Variants in DNAH10 observed in about 807,000 individuals in gnomAD.
DNAH10 encodes the protein dynein axonemal heavy chain 10.
DNAH10 carries 348 observed loss-of-function variants against 506.6 expected under a neutral mutation model. The ratio of observed to expected loss-of-function variants is 0.69; its 90% CI spans 0.63 to 0.75. The LOEUF is 0.75. Ranked by LOEUF, DNAH10 falls within the 30% of genes least tolerant of loss-of-function variation. The pLI is 0.00. For missense variants in DNAH10, 5,179 were observed against 5,787.1 expected (o/e 0.89, Z 3.41); for synonymous variants, 2,059 against 2,198.6 (o/e 0.94, Z 1.78).
chr12:123,768,673 A>G (rs529313800), intron 2 of DNAH10, among the ~76,000 whole-genome samples: 24 of 152,336 alleles, frequency 1.6e-4, no homozygotes, highest in Admixed American at 1.6e-3. Flanking sequence ...TTTGTTTTGT[A>G]GGTGGGCTTC....
At chr12:123,905,875 A>G (rs1251401128) in intron 57 of DNAH10, among the ~76,000 whole-genome samples, 1 of 150,812 alleles carries the variant, frequency 6.6e-6, no homozygotes, top group African/African-American at 2.4e-5. Flanking sequence ...TGTTTTTGCC[A>G]TCTATGTTTA....
At position 123,873,645 on chromosome 12, in the gene DNAH10, G is replaced by C; in HGVS notation, c.7873G>C (p.Asp2625His). The change falls in exon 46 of 79, where the codon GAT becomes CAT. Residue 2625 changes from aspartate (D) to histidine (H), a missense_variant. Transcript: ENST00000673944. ...AGCAAATGTGGAAAAGCGAACCAAA[G>C]ATACTTACGGCCCACCCATGGGAAA... ...LEANVEKRTK[D>H]TYGPPMGKRL... 1 of 1,613,828 alleles carries C rather than the reference G, an allele frequency of 6.2e-7. No individual in the cohort carries two copies.
Position 123,877,862 on chromosome 12 carries a change from G to A in DNAH10, c.8326G>A (p.Asp2776Asn). 1 of 1,613,966 alleles carries A rather than the reference G, an allele frequency of 6.2e-7. No homozygotes were observed. Residue 2776 changes from aspartate (D) to asparagine (N), a missense_variant, in exon 48 of 79, where the codon GAT becomes AAT. Around this residue, in one of 3 missense-constraint regions of DNAH10, gnomAD observed 4,844 missense variants for 5,430.5 expected, o/e 0.89. Transcript: ENST00000673944. Reference sequence around the variant, plus strand: ...GTTCCATTACATCTTCAACCTTCGAGATCTCTCACGGGTTTTTAATGGTCT... The same window carrying A: ...GTTCCATTACATCTTCAACCTTCGAAATCTCTCACGGGTTTTTAATGGTCT... ...SKFHYIFNLR[D>N]LSRVFNGLVL...
chr12:123,824,639 T>C (rs2706267), intron 24 of DNAH10, among the ~76,000 whole-genome samples: 151,150 of 152,292 alleles, frequency 0.99, 75,015 homozygotes, highest in Middle Eastern at 1. Context: ...ACGATCACTC[T>C]GGAGGCTGCA....
At chr12:123,908,170 CCTGTCTCTCTGTCTCCTCCCTGT>C (rs1953888150) in intron 57 of DNAH10, 1 of 365,294 alleles carries the variant, frequency 2.7e-6, no homozygotes, top group Middle Eastern at 6.1e-4. Context: ...CTGTCTCCTC[CCTGTCTCTCTGTCTCCTCCCTGT>C]CTCTCTGTCC....
chr12:123,835,631 T>G, intron 28 of DNAH10, 103 bp downstream of exon 28: 2 of 1,455,320 alleles, frequency 1.4e-6, no homozygotes, highest in Non-Finnish European at 1.8e-6. Context: ...GTAGCTTCTC[T>G]CTCATTTTTT....
chr12:123,810,355 C>A (rs1379387190), intron 19 of DNAH10, among the ~76,000 whole-genome samples: 1 of 152,122 alleles, frequency 6.6e-6, no homozygotes, highest in East Asian at 1.9e-4. Context: ...GTTTAGAAAT[C>A]AGAATAGGGA....
intron 9 of DNAH10, 148 bp downstream of exon 9, chr12:123,786,084 G>A: frequency 1.0e-6 from 1 of 982,148 alleles, no homozygotes; most frequent in African/African-American, 1.6e-5. Context: ...GGGCACAGTG[G>A]TGCACACCTG....
At chr12:123,797,190 C>A (rs1345187131) in intron 13 of DNAH10, among the ~76,000 whole-genome samples, 1 of 151,978 alleles carries the variant, frequency 6.6e-6, no homozygotes, top group Non-Finnish European at 1.5e-5. Context: ...ATGTTTTAAT[C>A]CTAGACTGGC....
chr12:123,771,172 G>C (rs986413845), intron 2 of DNAH10, among the ~76,000 whole-genome samples: 7 of 152,066 alleles, frequency 4.6e-5, no homozygotes, highest in Admixed American at 4.6e-4. Context: ...GTGTTGCCAT[G>C]CTGGCCAGGC....
At chr12:123,881,566 G>C in intron 50 of DNAH10, 59 bp from the exon 51 acceptor site, 1 of 1,453,830 alleles carries the variant, frequency 6.9e-7, no homozygotes, top group Non-Finnish European at 9.1e-7. Context: ...TTGTCAGATG[G>C]GTAGATTGTA....
chr12:123,929,523 G>C, intron 71 of DNAH10, 39 bp downstream of exon 71: 1 of 1,598,678 alleles, frequency 6.3e-7, no homozygotes, highest in Middle Eastern at 1.7e-4. Context: ...GGCTTCCTTA[G>C]GCGGCCCACT....
At chr12:123,897,247 G>A (rs1030927454) in intron 54 of DNAH10, among the ~76,000 whole-genome samples, 25 of 152,180 alleles carry the variant, frequency 1.6e-4, no homozygotes, top group Admixed American at 1.3e-3. Flanking sequence ...CCATTCCTCC[G>A]TTGCTGGACG....
intron 1 of DNAH10, 54 bp from the exon 2 acceptor site, chr12:123,767,552 C>A: frequency 1.3e-6 from 2 of 1,528,350 alleles, no homozygotes; most frequent in Non-Finnish European, 1.8e-6. Flanking sequence ...TCAGGTGTTT[C>A]ATGCAGTGAA....
rs761965199 is a variant in DNAH10, at chr12:123,813,475, G to C, written c.3456G>C (p.Glu1152Asp). ...KLQFYSKIAY[E>D]VMRHPLIKDE... ...AGTTCTATTCCAAGATAGCTTATGA[G>C]GTTATGCGCCACCCTCTAATTAAGG... Residue 1152 changes from glutamate to aspartate, a missense_variant, in exon 20 of 79, where the codon GAG (glutamate) becomes GAC (aspartate). Glu to Asp is a conservative substitution (Grantham distance 45). Around this residue, in one of 3 missense-constraint regions of DNAH10, gnomAD observed 4,844 missense variants for 5,430.5 expected, o/e 0.89. Transcript: ENST00000673944. 3 of 1,614,180 alleles carry C rather than the reference G, an allele frequency of 1.9e-6. No homozygotes were observed. The highest frequency in any genetic ancestry group is 2.5e-6 in the Non-Finnish European group (3 of 1,180,030).
intron 30 of DNAH10, among the ~76,000 whole-genome samples, 180 bp from the exon 31 acceptor site, chr12:123,845,420 C>T (rs956941937): frequency 2.6e-5 from 4 of 152,210 alleles, no homozygotes; most frequent in African/African-American, 9.7e-5. Flanking sequence ...TAACATCTTA[C>T]TCTCACCTAA....
intron 49 of DNAH10, 90 bp downstream of exon 49, chr12:123,879,447 T>C: frequency 6.7e-7 from 1 of 1,497,446 alleles, no homozygotes; most frequent in African/African-American, 1.4e-5. Context: ...ACGCGAATTG[T>C]GGAAAAATAG....
rs147255526 is a variant in DNAH10, at chr12:123,910,530, C to T, written c.9998-6C>T. ...CTCATAAAAATTATTGCATGTTTCACGTTAGGCCTCTTGAAGACTCTTAAT... is the reference window on the plus strand; with the variant it reads ...CTCATAAAAATTATTGCATGTTTCATGTTAGGCCTCTTGAAGACTCTTAAT... On this transcript the variant is annotated splice_polypyrimidine_tract_variant and splice_region_variant and intron_variant, in intron 58 of 78. Transcript: ENST00000673944. 250 of 1,610,544 alleles carry T rather than the reference C, an allele frequency of 1.6e-4. 1 individual carries two copies. The African/African-American group carries it at 2.6e-3, about 17-fold the overall frequency.
chr12:123,771,493 C>A, intron 2 of DNAH10, 108 bp from the exon 3 acceptor site: 1 of 862,382 alleles, frequency 1.2e-6, no homozygotes, highest in Non-Finnish European at 1.9e-6. Flanking sequence ...TATTTGATAA[C>A]TCGCCTTTTG....
Sources: gnomAD v4.1 joint callset for allele counts (sites outside exome capture counted in the v4.1 genomes callset) on GRCh38, gnomAD v4.1.1 for gene constraint, gnomAD v4.1.1 regional missense constraint, MANE v1.5 for transcripts, NCBI Gene and HGNC (gene_info 2026-07-23, HGNC 2026-07-21) for gene names.